PRR11: variants seen among roughly 807,000 people sequenced by gnomAD.
PRR11 encodes the protein proline rich 11.
A neutral mutation model predicts 45.6 loss-of-function variants in PRR11; 30 were observed. The observed-to-expected ratio is 0.66, with a 90% confidence interval of 0.49 to 0.89. The LOEUF is 0.89. Ranked by LOEUF, PRR11 falls within the 40% of genes least tolerant of loss-of-function variation. The pLI is 0.00. For missense variants in PRR11, 373 were observed against 424.8 expected, an observed-to-expected ratio of 0.88 and a Z score of 1.07; for synonymous variants, 128 against 153.5, an observed-to-expected ratio of 0.83 and a Z score of 1.23.
intron 2 of PRR11, 90 bp from the exon 3 acceptor site, chr17:59,184,964 T>A: frequency 1.8e-6 from 2 of 1,141,986 alleles, no homozygotes; most frequent in Non-Finnish European, 2.4e-6. Context: ...CCCAAAGTGC[T>A]AGCAGTAGAG....
intron 1 of PRR11, among the ~76,000 whole-genome samples, chr17:59,162,208 A>G (rs539494487): frequency 1.9e-4 from 27 of 143,644 alleles, no homozygotes; most frequent in African/African-American, 6.5e-4. Context: ...TAATAACCCA[A>G]GTCAGACACA....
intron 4 of PRR11, among the ~76,000 whole-genome samples, chr17:59,188,942 AAATAATAATAAT>A (rs56917280): frequency 3.7e-4 from 54 of 144,344 alleles, no homozygotes; most frequent in Middle Eastern, 3.6e-3. Context: ...TGTGTCTCAA[AAATAATAATAAT>A]AATAATAATA....
rs142456171 is a variant in PRR11, at chr17:59,192,572, G to T, written c.403-920G>T. Among the ~76,000 whole-genome samples, 17 of 152,240 alleles carry T rather than the reference G, an allele frequency of 1.1e-4. No individual in the cohort carries two copies. The East Asian group carries it at 2.1e-3, about 19-fold the overall frequency. ...GGCTTCTTGGTTAGTTTCTTCTGAG[G>T]CTCCCTCCTGGGCTTGTAGATGGCT... On this transcript the variant is annotated intron_variant, in intron 4 of 9. Coordinates refer to ENST00000262293, the MANE Select transcript of PRR11 (RefSeq NM_018304.4).
At position 59,201,733 on chromosome 17, in the gene PRR11, G is replaced by T. The variant is rs150002722; in HGVS notation, c.*102G>T. On this transcript the variant is annotated 3_prime_UTR_variant, in exon 10 of 10. Coordinates refer to ENST00000262293, the MANE Select transcript of PRR11 (RefSeq NM_018304.4). ...CACCTGTAATCCCAGCACTTTGGGA[G>T]GCTGAGGCAGGTGGATCACCTGAGG... 1,649 of 1,238,698 alleles carry T rather than the reference G, an allele frequency of 1.3e-3. 14 individuals are homozygous for T. The African/African-American group carries it at 0.022, about 16-fold the overall frequency. The allele number at this position is 1,238,698 out of a possible 1,614,324, so 76.7% of individuals were successfully genotyped here. A position where few individuals can be genotyped will look rare whatever the true frequency, so the allele number is the denominator to read the frequency against.
intron 2 of PRR11, chr17:59,179,550 C>T: frequency 7.1e-7 from 1 of 1,405,598 alleles, no homozygotes; most frequent in Admixed American, 2.0e-5. Flanking sequence ...AGCTCACCCA[C>T]TGGGGGCATA....
chr17:59,199,597 C>T (rs1018225233), intron 9 of PRR11, among the ~76,000 whole-genome samples: 5 of 152,176 alleles, frequency 3.3e-5, no homozygotes, highest in Non-Finnish European at 7.3e-5. Context: ...CTGTGAAGAA[C>T]AGCCATCCGT....
chr17:59,162,549 T>A (rs915583876), intron 1 of PRR11, among the ~76,000 whole-genome samples: 6 of 152,140 alleles, frequency 3.9e-5, no homozygotes. Context: ...AAACCACCCC[T>A]CTGTAATCCT....
At chr17:59,172,168 G>A (rs1055877006) in intron 2 of PRR11, among the ~76,000 whole-genome samples, 1 of 152,202 alleles carries the variant, frequency 6.6e-6, no homozygotes, top group Non-Finnish European at 1.5e-5. Flanking sequence ...GCTAATCTGA[G>A]TGTCTGCACT....
chr17:59,159,904 T>A (rs2046643124), intron 1 of PRR11, among the ~76,000 whole-genome samples: 1 of 152,194 alleles, frequency 6.6e-6, no homozygotes, highest in African/African-American at 2.4e-5. Flanking sequence ...ATCATATACA[T>A]ATCCCATCAT....
At chr17:59,162,615 T>C (rs1288934016) in intron 1 of PRR11, among the ~76,000 whole-genome samples, 1 of 152,178 alleles carries the variant, frequency 6.6e-6, no homozygotes, top group Non-Finnish European at 1.5e-5. Flanking sequence ...TCTTCTGGTA[T>C]TTACCTCCAT....
chr17:59,195,500 A>C (rs2046861744), intron 7 of PRR11, 57 bp downstream of exon 7: 1 of 1,175,746 alleles, frequency 8.5e-7, no homozygotes, highest in East Asian at 2.4e-5. Flanking sequence ...ATATTGTTGT[A>C]CAAAGGCCTA....
At chr17:59,190,397 A>G (rs1246562739) in intron 4 of PRR11, among the ~76,000 whole-genome samples, 4 of 151,888 alleles carry the variant, frequency 2.6e-5, no homozygotes, top group African/African-American at 9.7e-5. Flanking sequence ...ACTTGAACCC[A>G]GGAGGTGGAG....
intron 2 of PRR11, among the ~76,000 whole-genome samples, chr17:59,179,339 A>G (rs1225111243): frequency 2.6e-5 from 4 of 152,088 alleles, no homozygotes; most frequent in African/African-American, 7.2e-5. Context: ...TGGTGCCATC[A>G]TAGCTCACTG....
At chr17:59,167,323 C>T (rs1166614681) in intron 1 of PRR11, among the ~76,000 whole-genome samples, 3 of 152,134 alleles carry the variant, frequency 2.0e-5, no homozygotes, top group Non-Finnish European at 4.4e-5. Flanking sequence ...CAATGCACTC[C>T]TTCTAGCTAT....
At chr17:59,183,162 G>A (rs2046797285) in intron 2 of PRR11, among the ~76,000 whole-genome samples, 1 of 152,154 alleles carries the variant, frequency 6.6e-6, no homozygotes, top group South Asian at 2.1e-4. Flanking sequence ...GAGATCCTGG[G>A]TGAATGGTAT....
intron 4 of PRR11, among the ~76,000 whole-genome samples, chr17:59,193,171 A>G (rs1039365820): frequency 1.3e-5 from 2 of 152,140 alleles, no homozygotes; most frequent in African/African-American, 4.8e-5. Flanking sequence ...TCAGCCTTCC[A>G]AAGTGCTGGG....
In PRR11 at chr17:59,181,887, T is replaced by G; in HGVS notation, c.129-3167T>G. 3.8e-6 allele frequency: 5 copies of G among 1,331,122 alleles called. No individual in the cohort carries two copies. The African/African-American group carries it at 4.4e-5, about 12-fold the overall frequency. 82.5% of individuals were successfully genotyped at this position (1,331,122 alleles called of 1,614,324 possible). ...GCTTCTCCAAGCCATCTTTCTGGCT[T>G]TCTCCTCTGCTCAACCCCATGAGCC... On this transcript the variant is annotated intron_variant, in intron 2 of 9. Transcript: ENST00000262293.
In PRR11 at chr17:59,204,009, C is replaced by A. The variant is rs1372442867; in HGVS notation, c.*2378C>A. 6.6e-6 allele frequency: 1 copy of A among 151,774 alleles called. No individual in the cohort carries two copies. The allele number at this position is 151,774 out of a possible 1,614,324, so 9.4% of individuals were successfully genotyped here. A position where few individuals can be genotyped will look rare whatever the true frequency, so the allele number is the denominator to read the frequency against. ...TATAACAATAATATTTTATGGGGCG[C>A]TTATAATGTTTATAATATTGTAAAC... On this transcript the variant is annotated 3_prime_UTR_variant, in exon 10 of 10. Transcript: ENST00000262293.
chr17:59,163,746 G>A (rs1026768136), intron 1 of PRR11: 6 of 152,082 alleles, frequency 3.9e-5, no homozygotes, highest in African/African-American at 1.4e-4. Flanking sequence ...ATCAAAAGAG[G>A]AACAATATTT....
Sources: gnomAD v4.1 joint callset for allele counts (sites outside exome capture counted in the v4.1 genomes callset) on GRCh38, gnomAD v4.1.1 for gene constraint, MANE v1.5 for transcripts, NCBI Gene and HGNC (gene_info 2026-07-23, HGNC 2026-07-21) for gene names.